Variants in ZFP28 observed in about 807,000 individuals in gnomAD.
The protein encoded by ZFP28 is zinc finger protein 28 homolog.
A neutral mutation model predicts 39.5 loss-of-function variants in ZFP28; 31 were observed. That is an observed-to-expected ratio of 0.79 (90% CI 0.59 to 1.06). The LOEUF (loss-of-function observed/expected upper bound fraction) is 1.06, where lower values mean the gene tolerates loss of function less well. Among genes scored for constraint, ZFP28 ranks in the 50% least tolerant of loss-of-function variants. ZFP28 has a pLI of 0.00. For missense variants in ZFP28, 925 were observed against 1,048.4 expected (o/e 0.88, Z 1.63); for synonymous variants, 400 against 378.6 (o/e 1.06, Z -0.66).
rs1355481202 is a variant in ZFP28 at position 56,553,744 on chromosome 19, G to A, written c.959G>A (p.Gly320Glu). 1.9e-6 allele frequency: 3 copies of A among 1,614,046 alleles called. No homozygotes were observed. In the East Asian group the frequency reaches 6.7e-5, roughly 36 times the overall value. ...CCAAAGCAAGATTCATATGCTGAAG[G>A]GGTAACAGACAGAACCTCAAACACT... ...LFPKQDSYAE[G>E]VTDRTSNTKL... is the part of the protein sequence containing the mutation. Residue 320 changes from glycine (G) to glutamate (E), a missense_variant, in exon 8 of 8, where the codon GGG (glycine) becomes GAG (glutamate). Transcript: ENST00000301318.
In ZFP28 at chr19:56,550,746, A is replaced by G. The variant is rs764347253; in HGVS notation, c.898+141A>G. On this transcript the variant is annotated intron_variant, in intron 7 of 7. Coordinates refer to ENST00000301318, the MANE Select transcript of ZFP28 (RefSeq NM_020828.2). ...TCTGGAAAGAAAATTGAACTCTGGGAGTTCCAAATAATTCTTTCCTCCTCC... is the reference window on the plus strand; with the variant it reads ...TCTGGAAAGAAAATTGAACTCTGGGGGTTCCAAATAATTCTTTCCTCCTCC... 4.7e-5 allele frequency: 73 copies of G among 1,544,318 alleles called. No individual in the cohort carries two copies. The East Asian group carries it at 1.6e-3, about 35-fold the overall frequency.
chr19:56,546,285 T>A (rs1425607403), intron 2 of ZFP28: 1 of 152,234 alleles, frequency 6.6e-6, no homozygotes, highest in Non-Finnish European at 1.5e-5. Flanking sequence ...GCTAGTCAGT[T>A]AAATCTGCCT....
intron 7 of ZFP28, chr19:56,551,031 G>A (rs1465344979): frequency 1.6e-6 from 2 of 1,213,328 alleles, no homozygotes; most frequent in South Asian, 4.5e-5. Flanking sequence ...TTGGAAAAAG[G>A]GAGAATTACA....
intron 2 of ZFP28, among the ~76,000 whole-genome samples, chr19:56,543,380 T>TTATATA (rs143634480): frequency 2.0e-5 from 3 of 146,516 alleles, no homozygotes; most frequent in African/African-American, 7.5e-5. Context: ...TATATGTATA[T>TTATATA]TATATATATA....
chr19:56,536,956 T>G (rs2044136808), upstream of ZFP28, among the ~76,000 whole-genome samples: 1 of 152,046 alleles, frequency 6.6e-6, no homozygotes, highest in African/African-American at 2.4e-5. Context: ...TGGGGGCTCC[T>G]TGCTTCCAGT....
intron 5 of ZFP28, among the ~76,000 whole-genome samples, chr19:56,549,474 G>A (rs1041519783): frequency 3.3e-5 from 5 of 152,056 alleles, no homozygotes; most frequent in African/African-American, 9.7e-5. Flanking sequence ...TCAGGAGATC[G>A]AGACCATCCT....
At position 56,543,010 on chromosome 19, in the gene ZFP28, G is replaced by A. The variant is rs374686915; in HGVS notation, c.300+3294G>A. ...AGGTTTCCTAAGCTTATGTGAAATCGGAATACTTCTAAAATTATTTTTGGA... is the reference window on the plus strand; with the variant it reads ...AGGTTTCCTAAGCTTATGTGAAATCAGAATACTTCTAAAATTATTTTTGGA... On this transcript the variant is annotated intron_variant, in intron 2 of 7. Transcript: ENST00000301318. 7.2e-5 allele frequency among the ~76,000 whole-genome samples: 11 copies of A among 152,068 alleles called. No individual in the cohort carries two copies. In the South Asian group the frequency reaches 1.7e-3, roughly 23 times the overall value.
In ZFP28 at chr19:56,539,673, T is replaced by C; in HGVS notation, c.257T>C (p.Leu86Pro). The change falls in exon 2 of 8, where the codon CTG becomes CCG. Residue 86 changes from leucine to proline, a missense_variant. By Grantham distance (98) the Leu-to-Pro change is moderately conservative. This residue lies in a region of ZFP28 where 556 missense variants were observed against 542.9 expected (regional missense o/e 1.02). Coordinates refer to ENST00000301318, the MANE Select transcript of ZFP28 (RefSeq NM_020828.2). ...TALPQERNKK[L>P]EAVGTGIEPK... ...CTTCCCCAGGAGAGAAACAAGAAGC[T>C]GGAGGCTGTGGGGACAGGAATTGAA... The C allele has an allele frequency of 1.2e-6, 2 of 1,614,150 alleles. No homozygotes were observed. The highest frequency in any genetic ancestry group is 1.7e-6 in the Non-Finnish European group (2 of 1,180,002).
intron 5 of ZFP28, 40 bp from the exon 6 acceptor site, chr19:56,550,027 A>G (rs1265401792): frequency 6.5e-7 from 1 of 1,548,070 alleles, no homozygotes; most frequent in African/African-American, 1.4e-5. Context: ...TGAGTTCACG[A>G]ACATGGTTTG....
chr19:56,547,350 T>C lies in ZFP28; in HGVS notation c.301-158T>C. 1 of 1,070,856 alleles carries C rather than the reference T, an allele frequency of 9.3e-7. No individual in the cohort carries two copies. Among genetic ancestry groups the C allele is most frequent in the South Asian group, 1.6e-5 (1 of 63,950 alleles). 66.3% of individuals were successfully genotyped at this position (1,070,856 alleles called of 1,614,324 possible). On this transcript the variant is annotated intron_variant, in intron 2 of 7. Coordinates refer to ENST00000301318, the MANE Select transcript of ZFP28 (RefSeq NM_020828.2). The surrounding 1 kb of genome is among the most constrained non-coding windows in gnomAD (Gnocchi z 4.6). The stretch of plus-strand genomic sequence containing the variant: ...TCATTTAACCCTAATTACCTCTTTG[T>C]AGGCCCTGTCTCTAAATACAGTCAC...
chr19:56,548,969 G>T lies in ZFP28; in HGVS notation c.535G>T (p.Val179Leu). Residue 179 changes from valine to leucine, a missense_variant, in exon 5 of 8, where the codon GTG becomes TTG. Transcript: ENST00000301318. ...TTTACGTCTTTCAGACTTGAAGGCTGTGTGGAAGATCAAGGAGTTACCTCT... is the reference window on the plus strand; with the variant it reads ...TTTACGTCTTTCAGACTTGAAGGCTTTGTGGAAGATCAAGGAGTTACCTCT... Reference protein sequence around the residue: ...TRAWCPDLKAVWKIKELPLKK... With the variant: ...TRAWCPDLKALWKIKELPLKK... The T allele has an allele frequency of 6.2e-7, 1 of 1,613,430 alleles. No individual in the cohort carries two copies. The highest frequency in any genetic ancestry group is 8.5e-7 in the Non-Finnish European group (1 of 1,179,764).
chr19:56,550,803 C>T (rs1158524558), intron 7 of ZFP28, 198 bp downstream of exon 7: 25 of 1,504,312 alleles, frequency 1.7e-5, no homozygotes, highest in African/African-American at 1.4e-5. Context: ...ACTGCCATTT[C>T]CCTGAAGTTC....
intron 1 of ZFP28, 145 bp from the exon 2 acceptor site, chr19:56,539,480 G>GA (rs2147945730): frequency 3.9e-6 from 3 of 767,952 alleles, no homozygotes; most frequent in Non-Finnish European, 6.2e-6. Context: ...TCCCAGGGAG[G>GA]AAAAAAACCT....
In ZFP28 at chr19:56,550,840, T is replaced by C. The variant is rs2044294758; in HGVS notation, c.898+235T>C. 4.1e-6 allele frequency: 6 copies of C among 1,465,438 alleles called. No individual in the cohort carries two copies. The East Asian group carries it at 1.5e-4, about 36-fold the overall frequency. 90.8% of individuals were successfully genotyped at this position (1,465,438 alleles called of 1,614,324 possible). A position where few individuals can be genotyped will look rare whatever the true frequency, so the allele number is the denominator to read the frequency against. ...TTCTTTTCTTGGCCACTGGGACGTGTATCATCCACTTGCTTCCTTAAATGA... is the reference window on the plus strand; with the variant it reads ...TTCTTTTCTTGGCCACTGGGACGTGCATCATCCACTTGCTTCCTTAAATGA... On this transcript the variant is annotated intron_variant, in intron 7 of 7. Transcript: ENST00000301318.
At chr19:56,538,157 G>C (rs1021947507), upstream of ZFP28, 1 of 152,356 alleles carries the variant, frequency 6.6e-6, no homozygotes, top group Non-Finnish European at 1.5e-5. Context: ...GAGGATGGGA[G>C]GCCCGTGTAG....
chr19:56,536,972 C>T (rs1252252529), upstream of ZFP28, among the ~76,000 whole-genome samples: 1 of 121,824 alleles, frequency 8.2e-6, no homozygotes, highest in Admixed American at 8.3e-5. Flanking sequence ...CCAGTGAACA[C>T]AGGCCCTGAG....
At chr19:56,548,145 G>A (rs1488627174) in intron 4 of ZFP28, among the ~76,000 whole-genome samples, 1 of 152,216 alleles carries the variant, frequency 6.6e-6, no homozygotes, top group African/African-American at 2.4e-5. Context: ...AATGGTTACA[G>A]TTTCTAAAGC....
Position 56,554,473 on chromosome 19 carries a change from G to A in ZFP28, c.1688G>A (p.Cys563Tyr). ...CATACCGGAGAAAAACCATATGAAT[G>A]TGATGTTTGCAGAAAAGCCTTCAGC... ...RIHTGEKPYE[C>Y]DVCRKAFSHH... Residue 563 changes from cysteine (C) to tyrosine (Y), a missense_variant, in exon 8 of 8, where the codon TGT (cysteine) becomes TAT (tyrosine). Physicochemically the swap from Cys to Tyr is radical, Grantham distance 194. Around this residue, in one of 2 missense-constraint regions of ZFP28, gnomAD observed 369 missense variants for 505.5 expected, o/e 0.73. Transcript: ENST00000301318. This position sits in a 1 kb window ranked among gnomAD's most constrained non-coding sequence, Gnocchi z 6.7. The A allele has an allele frequency of 1.9e-6, 3 of 1,614,212 alleles. No individual in the cohort carries two copies. Among genetic ancestry groups the A allele is most frequent in the Non-Finnish European group, 2.5e-6 (3 of 1,180,044 alleles).
chr19:56,548,898 G>T, intron 4 of ZFP28, 60 bp from the exon 5 acceptor site: 1 of 1,472,780 alleles, frequency 6.8e-7, no homozygotes, highest in Admixed American at 2.5e-5. Flanking sequence ...TTGCATTTTG[G>T]AATTTTTCTT....
Sources: allele counts gnomAD v4.1 joint callset (sites outside exome capture counted in the v4.1 genomes callset), GRCh38; gene constraint gnomAD v4.1.1; regional missense constraint gnomAD v4.1.1; non-coding constraint Gnocchi (gnomAD v3.1); transcripts MANE v1.5; gene names NCBI Gene and HGNC (gene_info 2026-07-23, HGNC 2026-07-21).